The following DAB1 variants were observed in gnomAD, a reference collection of about 807,000 sequenced individuals.
The protein encoded by DAB1 is DAB adaptor protein 1.
A neutral mutation model predicts 64.6 loss-of-function variants in DAB1; 15 were observed. That is an observed-to-expected ratio of 0.23 (90% CI 0.16 to 0.36). The LOEUF is 0.36. DAB1 is among the 10% of genes least tolerant of loss of function. The pLI is 1.00. For missense variants in DAB1, 596 were observed against 706.7 expected (o/e 0.84, Z 1.78); for synonymous variants, 235 against 251.9 (o/e 0.93, Z 0.64).
intron 7 of DAB1, among the ~76,000 whole-genome samples, chr1:57,606,655 G>C: frequency 1.3e-5 from 1 of 76,102 alleles, no homozygotes; most frequent in Non-Finnish European, 2.4e-5. Context: ...TATATATTAT[G>C]TATGAAATAT....
intron 2 of DAB1, among the ~76,000 whole-genome samples, chr1:57,275,819 C>T (rs1671411743): frequency 6.6e-6 from 1 of 152,116 alleles, no homozygotes; most frequent in South Asian, 2.1e-4. Flanking sequence ...TAGCATCTTC[C>T]CCTGCCCGCA....
upstream of DAB1, among the ~76,000 whole-genome samples, chr1:57,426,128 A>G (rs1685275968): frequency 6.6e-6 from 1 of 152,220 alleles, no homozygotes; most frequent in African/African-American, 2.4e-5. Context: ...CATGAAGACC[A>G]TCTACATGCA....
At chr1:57,086,354 T>C (rs1653072324) in intron 4 of DAB1, among the ~76,000 whole-genome samples, 1 of 151,764 alleles carries the variant, frequency 6.6e-6, no homozygotes, top group South Asian at 2.1e-4. Context: ...ATCGGGGAGG[T>C]TGGTTCATAG....
At chr1:58,441,076 C>T (rs902713237) in intron 3 of DAB1, among the ~76,000 whole-genome samples, 1 of 152,150 alleles carries the variant, frequency 6.6e-6, no homozygotes, top group African/African-American at 2.4e-5. Flanking sequence ...CAAAGCTGCC[C>T]CCAGAAGACT....
At chr1:57,942,259 C>A (rs1482899555) in intron 5 of DAB1, among the ~76,000 whole-genome samples, 1 of 152,150 alleles carries the variant, frequency 6.6e-6, no homozygotes, top group Non-Finnish European at 1.5e-5. Context: ...TCAACCAACA[C>A]TGAGCAGCTG....
chr1:57,237,646 T>C (rs1668191786), intron 2 of DAB1, among the ~76,000 whole-genome samples: 2 of 152,236 alleles, frequency 1.3e-5, no homozygotes, highest in Non-Finnish European at 2.9e-5. Context: ...AAACATTTGC[T>C]CATGCACTGA....
chr1:57,490,585 T>C (rs1252496835), intron 7 of DAB1, among the ~76,000 whole-genome samples: 3 of 152,204 alleles, frequency 2.0e-5, no homozygotes, highest in Admixed American at 1.3e-4. Context: ...TAAACCCTCA[T>C]GCTACGTAGT....
rs978474883 is a variant in DAB1, at chr1:57,448,746, C to T, written n.626-157580G>A. On this transcript the variant is annotated intron_variant and non_coding_transcript_variant, in intron 7 of 20. Coordinates refer to the DAB1 transcript ENST00000485760. ...TTTGATCTGTCCTCCTTCACAATAG[C>T]AAGTGTAGCAAATAGCAATTCTGAC... 1.1e-4 allele frequency among the ~76,000 whole-genome samples: 16 copies of T among 148,254 alleles called. 1 individual carries two copies. The highest frequency in any genetic ancestry group is 3.7e-4 in the African/African-American group (15 of 40,376).
At chr1:58,198,554 G>T (rs1385115552) in intron 4 of DAB1, among the ~76,000 whole-genome samples, 1 of 152,070 alleles carries the variant, frequency 6.6e-6, no homozygotes, top group Non-Finnish European at 1.5e-5. Context: ...GCCTTCCTTT[G>T]GTACATCAGT....
chr1:57,875,975 T>G (rs1644038849), intron 1 of DAB1, among the ~76,000 whole-genome samples: 1 of 152,184 alleles, frequency 6.6e-6, no homozygotes, highest in Non-Finnish European at 1.5e-5. Context: ...CACTGCTAAG[T>G]CCAGCTCTCA....
chr1:57,574,158 T>C (rs921981132), intron 7 of DAB1, among the ~76,000 whole-genome samples: 2 of 152,190 alleles, frequency 1.3e-5, no homozygotes, highest in Admixed American at 1.3e-4. Context: ...GAAGTGGACA[T>C]AGAAGTAGAG....
intron 5 of DAB1, among the ~76,000 whole-genome samples, chr1:57,956,526 C>G (rs1467100493): frequency 6.6e-6 from 1 of 152,218 alleles, no homozygotes; most frequent in Non-Finnish European, 1.5e-5. Context: ...GTATTTCATA[C>G]AGGTCAGCCT....
intron 7 of DAB1, among the ~76,000 whole-genome samples, chr1:57,647,132 T>A (rs1405603418): frequency 6.6e-6 from 1 of 152,152 alleles, no homozygotes; most frequent in Admixed American, 6.5e-5. Flanking sequence ...TTCTACATGC[T>A]TGTTGCCAGG....
intron 14 of DAB1, among the ~76,000 whole-genome samples, chr1:57,001,340 C>G (rs566676249): frequency 1.1e-4 from 17 of 152,278 alleles, no homozygotes; most frequent in African/African-American, 3.8e-4. Context: ...CGTCTCTGCC[C>G]TGCTTCAAAT....
intron 4 of DAB1, among the ~76,000 whole-genome samples, chr1:58,267,942 G>C (rs951911660): frequency 6.6e-6 from 1 of 152,014 alleles, no homozygotes; most frequent in African/African-American, 2.4e-5. Context: ...TATGAGAGTT[G>C]TTTATGGCCA....
intron 6 of DAB1, among the ~76,000 whole-genome samples, chr1:57,695,353 A>AAAGG (rs1207971460): frequency 2.5e-5 from 1 of 39,394 alleles, no homozygotes; most frequent in African/African-American, 8.0e-5. Context: ...AGAAAGAAAG[A>AAAGG]AAAGAAAGAA....
chr1:57,862,151 C>G (rs922548279), intron 1 of DAB1, among the ~76,000 whole-genome samples: 2 of 152,210 alleles, frequency 1.3e-5, no homozygotes, highest in African/African-American at 4.8e-5. Context: ...TTACTGAAAT[C>G]TTACTATATG....
chr1:57,561,135 T>A (rs1285150786), intron 7 of DAB1, among the ~76,000 whole-genome samples: 1 of 152,118 alleles, frequency 6.6e-6, no homozygotes, highest in Non-Finnish European at 1.5e-5. Context: ...CCACCCTGCC[T>A]CCTCTCCCCC....
intron 7 of DAB1, among the ~76,000 whole-genome samples, chr1:57,462,420 G>T (rs193256168): frequency 3.2e-4 from 49 of 152,264 alleles, no homozygotes; most frequent in Non-Finnish European, 6.3e-4. Context: ...GTTCTTTGGA[G>T]TTCTAGGTGT....
Sources: gnomAD v4.1 joint callset for allele counts (sites outside exome capture counted in the v4.1 genomes callset) on GRCh38, gnomAD v4.1.1 for gene constraint, MANE v1.5 for transcripts, NCBI Gene and HGNC (gene_info 2026-07-23, HGNC 2026-07-21) for gene names.